CNKSR2: variants seen among roughly 807,000 people sequenced by gnomAD.
CNKSR2 encodes the protein CNK homolog protein 2.
Under a neutral mutation model 84.4 loss-of-function variants are expected in CNKSR2, and 14 were observed. The ratio of observed to expected loss-of-function variants is 0.17; its 90% confidence interval spans 0.11 to 0.26. CNKSR2 has a LOEUF of 0.26. CNKSR2 is among the 10% of genes least tolerant of loss of function. The pLI is 1.00. For missense variants in CNKSR2, 485 were observed against 771.2 expected, an observed-to-expected ratio of 0.63 and a Z score of 4.40; for synonymous variants, 275 against 277.9, an observed-to-expected ratio of 0.99 and a Z score of 0.10.
At chrX:21,510,149 T>A (rs1033665605) in intron 8 of CNKSR2, among the ~76,000 whole-genome samples, 8 of 111,624 alleles carry the variant, frequency 7.2e-5, no homozygotes, top group Non-Finnish European at 1.3e-4. Flanking sequence ...TCTATAAAAT[T>A]TCCTTTGGGA....
chrX:21,591,312 G>A (rs2092419181), intron 15 of CNKSR2, 118 bp downstream of exon 15: 1 of 531,501 alleles, frequency 1.9e-6, no homozygotes, highest in East Asian at 3.8e-5. Context: ...GTAGACTTCT[G>A]CTAGGTATTT....
At chrX:21,383,785 G>A (rs937123290) in intron 1 of CNKSR2, among the ~76,000 whole-genome samples, 5 of 110,424 alleles carry the variant, frequency 4.5e-5, no homozygotes, top group Admixed American at 9.7e-5. Context: ...AGAACAAATC[G>A]ATGGAAGCCT....
intron 4 of CNKSR2, among the ~76,000 whole-genome samples, chrX:21,456,544 CCTT>C (rs932598829): frequency 9.0e-6 from 1 of 111,441 alleles, no homozygotes; most frequent in Non-Finnish European, 1.9e-5. Flanking sequence ...GGGAGAATAT[CCTT>C]CTTTTTAAAG....
chrX:21,559,858 T>C (rs1179337533), intron 11 of CNKSR2, among the ~76,000 whole-genome samples: 1 of 111,847 alleles, frequency 8.9e-6, no homozygotes, highest in African/African-American at 3.2e-5. Flanking sequence ...TTTGGCTCAT[T>C]AATAATTTTA....
intron 1 of CNKSR2, among the ~76,000 whole-genome samples, chrX:21,404,738 A>G (rs181126178): frequency 1.5e-4 from 16 of 103,432 alleles, no homozygotes; most frequent in Admixed American, 3.2e-4. Flanking sequence ...GGAGTGAGCC[A>G]AGAGTGTGCC....
At chrX:21,637,534 T>C (rs1228286398) in intron 20 of CNKSR2, 1 of 111,435 alleles carries the variant, frequency 9.0e-6, no homozygotes, top group Non-Finnish European at 1.9e-5. Context: ...TCCTTCTCCC[T>C]ATGGTATTAA....
intron 1 of CNKSR2, among the ~76,000 whole-genome samples, chrX:21,403,083 T>C (rs2090214103): frequency 9.0e-6 from 1 of 111,250 alleles, no homozygotes; most frequent in Non-Finnish European, 1.9e-5. Context: ...AGTGTAAAAA[T>C]TGAAGCCACA....
chrX:21,546,354 G>A (rs1228918260), intron 11 of CNKSR2, among the ~76,000 whole-genome samples: 7 of 108,810 alleles, frequency 6.4e-5, no homozygotes, highest in African/African-American at 2.0e-4. Context: ...GAAATAAAGC[G>A]TGAAGACAAG....
chrX:21,437,508 T>C (rs1307039720), intron 3 of CNKSR2, among the ~76,000 whole-genome samples: 1 of 102,349 alleles, frequency 9.8e-6, no homozygotes, highest in African/African-American at 3.6e-5. Context: ...CAACCTCTGC[T>C]GCCCAGGTTC....
chrX:21,635,183 A>G lies in CNKSR2; in HGVS notation c.2693-13648A>G, dbSNP rs931807805. 1.9e-4 allele frequency among the ~76,000 whole-genome samples: 21 copies of G among 109,351 alleles called. 1 individual carries two copies. The highest frequency in any genetic ancestry group is 1.0e-3 in the Admixed American group (10 of 9,966). 95.0% of individuals were successfully genotyped at this position (109,351 alleles called of 115,157 possible). On this transcript the variant is annotated intron_variant, in intron 20 of 21. Transcript: ENST00000379510. ...GAATTGATTCTTATGCTAAAAATCT[A>G]AAGACATTATTTCCTCCCATACTGT...
chrX:21,603,138 A>G (rs1032890200), intron 18 of CNKSR2, among the ~76,000 whole-genome samples: 2 of 112,362 alleles, frequency 1.8e-5, no homozygotes, highest in Non-Finnish European at 3.8e-5. Context: ...GTATTGGTCT[A>G]TCATGTAAGT....
rs1229319731 is a variant in CNKSR2 at position 21,374,588 on chromosome X, G to GGCGGAGGCAGCA, written c.-307_-296dup. The GGCGGAGGCAGCA allele has an allele frequency of 2.7e-4, 126 of 470,757 alleles. 1 individual carries two copies. Among genetic ancestry groups the GGCGGAGGCAGCA allele is most frequent in the Non-Finnish European group, 4.2e-4 (113 of 266,653 alleles). The allele number at this position is 470,757 out of a possible 1,213,427, so 38.8% of individuals were successfully genotyped here. A position where few individuals can be genotyped will look rare whatever the true frequency, so the allele number is the denominator to read the frequency against. Reference sequence around the variant, plus strand: ...CTAGGGACGGAGACCGGAGCGGAGCGGCGGAGGCAGCAGCAGCAGCAGCAG... The same window carrying GGCGGAGGCAGCA: ...CTAGGGACGGAGACCGGAGCGGAGCGGCGGAGGCAGCAGCGGAGGCAGCAGCAGCAGCAGCAG... On this transcript the variant is annotated 5_prime_UTR_variant, in exon 1 of 22. Transcript: ENST00000379510.
At chrX:21,453,348 G>A (rs1306370474) in intron 4 of CNKSR2, among the ~76,000 whole-genome samples, 1 of 111,401 alleles carries the variant, frequency 9.0e-6, no homozygotes, top group African/African-American at 3.3e-5. Flanking sequence ...AGTCAACAAT[G>A]AAACATCATG....
At chrX:21,641,429 TG>T in intron 20 of CNKSR2, 1 of 959,543 alleles carries the variant, frequency 1.0e-6, no homozygotes, top group Non-Finnish European at 1.4e-6. Flanking sequence ...TTTCTCTTCA[TG>T]GGTATTGCAT....
At chrX:21,516,659 A>G (rs910509155) in intron 9 of CNKSR2, 28 bp downstream of exon 9, 1 of 1,171,916 alleles carries the variant, frequency 8.5e-7, no homozygotes, top group Non-Finnish European at 1.2e-6. Context: ...TAAGTCATAC[A>G]CCATCATTTT....
At chrX:21,615,223 G>T (rs927509563) in intron 20 of CNKSR2, among the ~76,000 whole-genome samples, 1 of 112,136 alleles carries the variant, frequency 8.9e-6, no homozygotes, top group African/African-American at 3.2e-5. Context: ...CACATGCATA[G>T]CCCAGATCAC....
chrX:21,584,473 TAAAC>T (rs2092372991), intron 13 of CNKSR2, among the ~76,000 whole-genome samples: 2 of 112,097 alleles, frequency 1.8e-5, no homozygotes, highest in South Asian at 7.4e-4. Flanking sequence ...GTCCAGGTGA[TAAAC>T]AAGAAATATA....
chrX:21,631,808 A>T (rs1262125698), intron 20 of CNKSR2, among the ~76,000 whole-genome samples: 1 of 112,165 alleles, frequency 8.9e-6, no homozygotes, highest in East Asian at 2.8e-4. Flanking sequence ...TTGCATATAA[A>T]ACTACTTCGT....
chrX:21,454,589 G>T (rs1313523468), intron 4 of CNKSR2, among the ~76,000 whole-genome samples: 1 of 111,623 alleles, frequency 9.0e-6, no homozygotes, highest in Non-Finnish European at 1.9e-5. Context: ...AGTTTCTCAT[G>T]GTTTACAATT....
Sources: gnomAD v4.1 joint callset for allele counts (sites outside exome capture counted in the v4.1 genomes callset) on GRCh38, gnomAD v4.1.1 for gene constraint, MANE v1.5 for transcripts, NCBI Gene and HGNC (gene_info 2026-07-23, HGNC 2026-07-21) for gene names.